Variants in ARHGEF4 observed in about 807,000 individuals in gnomAD.
ARHGEF4 encodes the protein APC-stimulated guanine nucleotide exchange factor 1.
Under a neutral mutation model 162.0 loss-of-function variants are expected in ARHGEF4, and 119 were observed. The observed-to-expected ratio is 0.73, with a 90% CI of 0.63 to 0.86. ARHGEF4 has a LOEUF of 0.86. Among genes scored for constraint, ARHGEF4 ranks in the 40% least tolerant of loss-of-function variants. The probability of loss-of-function intolerance (pLI) is 0.00; values close to 1 mark genes in which losing one functional copy is unlikely to be tolerated. For synonymous variants in ARHGEF4, 1,014 were observed against 979.9 expected, an observed-to-expected ratio of 1.03 and a Z score of -0.65; for missense variants, 2,488 against 2,456.0, an observed-to-expected ratio of 1.01 and a Z score of -0.28.
intron 1 of ARHGEF4, among the ~76,000 whole-genome samples, chr2:130,895,813 T>A (rs1020511549): frequency 6.6e-6 from 1 of 152,240 alleles, no homozygotes; most frequent in African/African-American, 2.4e-5. Flanking sequence ...ACAGTGTTTT[T>A]TAAACAGGAA....
intron 1 of ARHGEF4, among the ~76,000 whole-genome samples, chr2:130,850,056 G>T (rs1681292182): frequency 6.6e-6 from 1 of 152,142 alleles, no homozygotes; most frequent in Admixed American, 6.5e-5. Context: ...GGCATCCCAG[G>T]GAGGTCCCAA....
intron 1 of ARHGEF4, among the ~76,000 whole-genome samples, chr2:130,841,544 C>T (rs747379462): frequency 2.0e-5 from 3 of 152,106 alleles, no homozygotes; most frequent in African/African-American, 7.2e-5. Flanking sequence ...CTGAATGCTT[C>T]CTCCCATCCT....
At chr2:131,030,058 C>G (rs191168218) in intron 5 of ARHGEF4, among the ~76,000 whole-genome samples, 1 of 152,348 alleles carries the variant, frequency 6.6e-6, no homozygotes, top group Non-Finnish European at 1.5e-5. Flanking sequence ...GCAGGGTGAG[C>G]TCTCAGTACA....
At chr2:130,843,353 A>T (rs1680738031) in intron 1 of ARHGEF4, among the ~76,000 whole-genome samples, 1 of 152,062 alleles carries the variant, frequency 6.6e-6, no homozygotes, top group Non-Finnish European at 1.5e-5. Flanking sequence ...AAGGCTGGAG[A>T]CCCTGAGCTG....
chr2:131,029,703 G>A (rs1010315407), intron 5 of ARHGEF4, among the ~76,000 whole-genome samples: 15 of 151,966 alleles, frequency 9.9e-5, no homozygotes, highest in African/African-American at 3.4e-4. Context: ...ACAGGCGCCC[G>A]CCACCACACC....
chr2:130,969,192 T>C (rs1685199238), intron 4 of ARHGEF4, among the ~76,000 whole-genome samples: 1 of 152,194 alleles, frequency 6.6e-6, no homozygotes. Context: ...AATAAAGTGT[T>C]GAATATCACA....
At chr2:130,984,760 C>T (rs973311670) in intron 4 of ARHGEF4, among the ~76,000 whole-genome samples, 2 of 151,804 alleles carry the variant, frequency 1.3e-5, no homozygotes, top group African/African-American at 2.4e-5. Flanking sequence ...CACACACAAT[C>T]GCCAGAACAC....
At chr2:130,980,822 A>G (rs1040793878) in intron 4 of ARHGEF4, among the ~76,000 whole-genome samples, 3 of 152,212 alleles carry the variant, frequency 2.0e-5, no homozygotes, top group Non-Finnish European at 4.4e-5. Context: ...GTCACTTTAA[A>G]TTAGTTTGAG....
chr2:131,039,321 T>C (rs913865814), intron 6 of ARHGEF4: 1 of 1,214,510 alleles, frequency 8.2e-7, no homozygotes. Context: ...GCGCTAGACA[T>C]TTCCCAAGCC....
At chr2:130,840,063 C>T (rs1016230268) in intron 1 of ARHGEF4, among the ~76,000 whole-genome samples, 1 of 152,084 alleles carries the variant, frequency 6.6e-6, no homozygotes, top group African/African-American at 2.4e-5. Context: ...GGGAAGCCAA[C>T]CTACTTCCGT....
intron 1 of ARHGEF4, among the ~76,000 whole-genome samples, chr2:130,854,922 G>A (rs1681663805): frequency 1.3e-5 from 2 of 151,772 alleles, no homozygotes; most frequent in Admixed American, 1.3e-4. Flanking sequence ...CGCCGAGGCT[G>A]GAGTGCAGTG....
intron 4 of ARHGEF4, among the ~76,000 whole-genome samples, chr2:130,988,174 G>A (rs1279620838): frequency 6.6e-6 from 1 of 152,226 alleles, no homozygotes; most frequent in Non-Finnish European, 1.5e-5. Context: ...GTGGACAGGT[G>A]GCTCTGTCGG....
At chr2:130,960,482 T>A (rs1428729417) in intron 4 of ARHGEF4, among the ~76,000 whole-genome samples, 1 of 152,150 alleles carries the variant, frequency 6.6e-6, no homozygotes, top group Non-Finnish European at 1.5e-5. Context: ...AGGCTATACA[T>A]TTAGGTTTGT....
chr2:130,939,086 T>C (rs922383295), intron 3 of ARHGEF4, among the ~76,000 whole-genome samples: 3 of 152,146 alleles, frequency 2.0e-5, no homozygotes, highest in African/African-American at 7.2e-5. Context: ...CCTCAGAATC[T>C]GTTGTTGTCT....
rs375163768 is a variant in ARHGEF4 at position 130,994,116 on chromosome 2, T to C, written c.3986-33829T>C. 1.1e-4 allele frequency among the ~76,000 whole-genome samples: 17 copies of C among 152,354 alleles called. No homozygotes were observed. In the East Asian group the frequency reaches 2.7e-3, roughly 24 times the overall value. On this transcript the variant is annotated intron_variant, in intron 4 of 13. Coordinates refer to ENST00000409359, the MANE Select transcript of ARHGEF4 (RefSeq NM_001367493.1). ...TTTAACCTTTCTGTGGCTTTAGATA[T>C]GTCTCATAAACAGCAAGTGAGTGAA...
intron 4 of ARHGEF4, among the ~76,000 whole-genome samples, chr2:130,957,524 G>A (rs1220617375): frequency 1.3e-5 from 2 of 152,152 alleles, no homozygotes; most frequent in Non-Finnish European, 2.9e-5. Flanking sequence ...TGTTGAGAAT[G>A]TTCTAAAATT....
chr2:130,995,236 CTGTT>C (rs1441110806), intron 4 of ARHGEF4, among the ~76,000 whole-genome samples: 1 of 152,320 alleles, frequency 6.6e-6, no homozygotes, highest in East Asian at 1.9e-4. Context: ...TTGTCTCTGT[CTGTT>C]TTTCTCTGAA....
At chr2:130,967,856 G>C (rs1361144735) in intron 4 of ARHGEF4, among the ~76,000 whole-genome samples, 1 of 152,198 alleles carries the variant, frequency 6.6e-6, no homozygotes, top group African/African-American at 2.4e-5. Context: ...TTAGAGCAGA[G>C]GCCAGGAGAT....
chr2:130,844,008 G>C (rs975582104), intron 1 of ARHGEF4, among the ~76,000 whole-genome samples: 2 of 152,158 alleles, frequency 1.3e-5, no homozygotes, highest in African/African-American at 4.8e-5. Flanking sequence ...CTTCAGTCAG[G>C]TGTCCTCAGC....
Sources: allele counts gnomAD v4.1 joint callset (sites outside exome capture counted in the v4.1 genomes callset), GRCh38; gene constraint gnomAD v4.1.1; transcripts MANE v1.5; gene names NCBI Gene and HGNC (gene_info 2026-07-23, HGNC 2026-07-21).